LIMS1: variants seen among roughly 807,000 people sequenced by gnomAD.
LIMS1 encodes the protein LIM and senescent cell antigen-like-containing domain protein 1.
LIMS1 carries 18 observed loss-of-function variants against 44.1 expected under a neutral mutation model. The observed-to-expected ratio is 0.41, with a 90% CI of 0.28 to 0.61. The LOEUF (loss-of-function observed/expected upper bound fraction) is 0.61. Among genes scored for constraint, LIMS1 ranks in the 20% least tolerant of loss-of-function variants. The pLI is 0.32. For synonymous variants in LIMS1, 93 were observed against 149.1 expected (o/e 0.62, Z 2.74); for missense variants, 201 against 422.0 (o/e 0.48, Z 4.59).
intron 1 of LIMS1, among the ~76,000 whole-genome samples, chr2:108,540,207 T>TTTC (rs1573290798): frequency 6.9e-6 from 1 of 144,994 alleles, no homozygotes; most frequent in East Asian, 2.0e-4. Context: ...TTTTTTTTTT[T>TTTC]TTTTTTTTTG....
At chr2:108,593,936 G>T (rs186196634) in intron 1 of LIMS1, among the ~76,000 whole-genome samples, 1 of 152,232 alleles carries the variant, frequency 6.6e-6, no homozygotes, top group Admixed American at 6.5e-5. Flanking sequence ...AGACCCTAGT[G>T]GTAAGTAAAG....
intron 8 of LIMS1, chr2:108,678,745 T>C (rs1273280679): frequency 6.6e-6 from 1 of 152,256 alleles, no homozygotes; most frequent in African/African-American, 2.4e-5. Context: ...CAAAGGAAAC[T>C]GTCTTCTTAT....
chr2:108,595,582 A>C (rs1168157835), intron 1 of LIMS1, among the ~76,000 whole-genome samples: 1 of 152,004 alleles, frequency 6.6e-6, no homozygotes, highest in African/African-American at 2.4e-5. Context: ...TGTCCCACTT[A>C]ACTATTTTCT....
chr2:108,554,662 A>G (rs753734799), intron 1 of LIMS1, among the ~76,000 whole-genome samples: 1 of 152,140 alleles, frequency 6.6e-6, no homozygotes, highest in Non-Finnish European at 1.5e-5. Flanking sequence ...TATCCGTGCC[A>G]TTACAGCTGA....
intron 1 of LIMS1, among the ~76,000 whole-genome samples, chr2:108,587,306 G>T (rs984102717): frequency 1.5e-5 from 2 of 137,582 alleles, no homozygotes; most frequent in Non-Finnish European, 1.5e-5. Flanking sequence ...GTGTGTGTGT[G>T]TGTGTGTGTG....
At chr2:108,598,800 G>A (rs74760931) in intron 1 of LIMS1, among the ~76,000 whole-genome samples, 4 of 152,046 alleles carry the variant, frequency 2.6e-5, no homozygotes, top group South Asian at 2.1e-4. Flanking sequence ...AATTGTGGTG[G>A]CCACTATTTC....
chr2:108,608,362 A>G (rs1025510122), intron 1 of LIMS1, among the ~76,000 whole-genome samples: 2 of 150,488 alleles, frequency 1.3e-5, no homozygotes, highest in African/African-American at 2.5e-5. Flanking sequence ...CTGGAGTGCA[A>G]TGGCGTGATC....
exon 1 of LIMS1, chr2:108,534,448 C>T (rs1684043206): frequency 2.4e-6 from 2 of 840,028 alleles, no homozygotes; most frequent in Non-Finnish European, 3.1e-6. Context: ...GGCCTTCCTC[C>T]CCTTCCTGCT....
At chr2:108,645,385 G>A (rs1485050819) in intron 1 of LIMS1, among the ~76,000 whole-genome samples, 1 of 152,082 alleles carries the variant, frequency 6.6e-6, no homozygotes, top group Admixed American at 6.5e-5. Flanking sequence ...TTCATATCCA[G>A]CCAAACAAAG....
intron 1 of LIMS1, among the ~76,000 whole-genome samples, chr2:108,621,728 A>G (rs148256912): frequency 2.6e-5 from 4 of 152,356 alleles, no homozygotes; most frequent in African/African-American, 9.6e-5. Flanking sequence ...TAAAAATTAT[A>G]TAATCACCAG....
intron 1 of LIMS1, among the ~76,000 whole-genome samples, chr2:108,552,134 A>G (rs1320414512): frequency 2.1e-5 from 3 of 145,964 alleles, no homozygotes; most frequent in African/African-American, 7.5e-5. Flanking sequence ...TACTATATAT[A>G]CTTAACTATA....
intron 1 of LIMS1, among the ~76,000 whole-genome samples, chr2:108,639,976 A>T (rs1016303110): frequency 4.6e-5 from 7 of 152,236 alleles, no homozygotes; most frequent in African/African-American, 1.7e-4. Context: ...GGCTCACAGA[A>T]ACTGAGGCTT....
At chr2:108,645,014 C>A (rs79588145) in intron 1 of LIMS1, among the ~76,000 whole-genome samples, 36 of 152,202 alleles carry the variant, frequency 2.4e-4, no homozygotes, top group African/African-American at 7.5e-4. Context: ...AAGACCAGAT[C>A]TTTGTTTGAT....
chr2:108,614,824 T>C (rs1687844117), intron 1 of LIMS1, among the ~76,000 whole-genome samples: 1 of 152,170 alleles, frequency 6.6e-6, no homozygotes, highest in South Asian at 2.1e-4. Flanking sequence ...TTGACAATAT[T>C]GGCTATAGTC....
At chr2:108,551,464 ACT>A (rs780093262) in intron 1 of LIMS1, among the ~76,000 whole-genome samples, 11 of 138,170 alleles carry the variant, frequency 8.0e-5, no homozygotes, top group Admixed American at 4.8e-4. Flanking sequence ...TAGTTAGCAC[ACT>A]CTATATACAT....
At chr2:108,602,128 G>T (rs1045961191) in intron 1 of LIMS1, among the ~76,000 whole-genome samples, 1 of 152,104 alleles carries the variant, frequency 6.6e-6, no homozygotes, top group Non-Finnish European at 1.5e-5. Flanking sequence ...TATAGAAATG[G>T]TACTGACTTT....
At chr2:108,611,374 C>A (rs1013768668) in intron 1 of LIMS1, among the ~76,000 whole-genome samples, 1 of 152,102 alleles carries the variant, frequency 6.6e-6, no homozygotes, top group Admixed American at 6.5e-5. Flanking sequence ...TATATTGAGC[C>A]CCGGGGAAGG....
At chr2:108,615,519 T>C (rs11692241) in intron 1 of LIMS1, among the ~76,000 whole-genome samples, 13,084 of 152,068 alleles carry the variant, frequency 0.086, 642 homozygotes, top group South Asian at 0.2. Flanking sequence ...CCTTATCTAC[T>C]CTAGAGCTCT....
chr2:108,579,281 C>T (rs904966522), intron 1 of LIMS1, among the ~76,000 whole-genome samples: 3 of 152,190 alleles, frequency 2.0e-5, no homozygotes, highest in East Asian at 1.9e-4. Flanking sequence ...GAATTTTTAT[C>T]GAACCAAGAT....
Sources: gnomAD v4.1 joint callset for allele counts (sites outside exome capture counted in the v4.1 genomes callset) on GRCh38, gnomAD v4.1.1 for gene constraint, MANE v1.5 for transcripts, NCBI Gene and HGNC (gene_info 2026-07-23, HGNC 2026-07-21) for gene names.